TMEM268: variants seen among roughly 807,000 people sequenced by gnomAD.
TMEM268 encodes transmembrane protein 268, also known as transmembrane protein C9orf91.
In TMEM268, 24 loss-of-function variants were observed where a neutral mutation model predicts 39.1. That is an observed-to-expected ratio of 0.61 (90% CI 0.44 to 0.86). The LOEUF (loss-of-function observed/expected upper bound fraction) is 0.86, where lower values mean the gene tolerates loss of function less well. TMEM268 is among the 40% of genes least tolerant of loss of function. The pLI is 0.00. For missense variants in TMEM268, 409 were observed against 428.6 expected (o/e 0.95, Z 0.40); for synonymous variants, 176 against 173.5 (o/e 1.01, Z -0.12).
intron 5 of TMEM268, among the ~76,000 whole-genome samples, chr9:114,630,279 TATCCATCCATCC>T (rs57970569): frequency 1.3e-4 from 19 of 148,228 alleles, no homozygotes; most frequent in South Asian, 2.2e-4. Flanking sequence ...AATATATATC[TATCCATCCATCC>T]ATCCATCCAT....
intron 6 of TMEM268, among the ~76,000 whole-genome samples, chr9:114,636,565 A>G (rs2133698476): frequency 6.6e-6 from 1 of 151,628 alleles, no homozygotes; most frequent in South Asian, 2.1e-4. Context: ...CAGTGGTGTG[A>G]TCTTGGCTTA....
intron 7 of TMEM268, among the ~76,000 whole-genome samples, chr9:114,638,010 G>A (rs1490307362): frequency 6.6e-6 from 1 of 152,212 alleles, no homozygotes; most frequent in Non-Finnish European, 1.5e-5. Flanking sequence ...ATCCCAGGCT[G>A]CTTTGAGCAA....
At chr9:114,628,684 C>A (rs1478479826) in intron 5 of TMEM268, among the ~76,000 whole-genome samples, 1 of 152,078 alleles carries the variant, frequency 6.6e-6, no homozygotes, top group Non-Finnish European at 1.5e-5. Context: ...GGGCAGATGC[C>A]GACCTGGTGC....
intron 7 of TMEM268, among the ~76,000 whole-genome samples, chr9:114,638,188 C>T (rs1413917019): frequency 5.3e-5 from 8 of 152,024 alleles, no homozygotes; most frequent in African/African-American, 1.4e-4. Context: ...ACTACAGGTG[C>T]GTGCCACCAC....
At position 114,617,120 on chromosome 9, in the gene TMEM268, A is replaced by G. The variant is rs967882258; in HGVS notation, c.-76A>G. 13 of 951,494 alleles carry G rather than the reference A, an allele frequency of 1.4e-5. No homozygotes were observed. Among genetic ancestry groups the G allele is most frequent in the Admixed American group, 1.2e-4 (5 of 41,590 alleles). 58.9% of individuals were successfully genotyped at this position (951,494 alleles called of 1,614,324 possible). A position where few individuals can be genotyped will look rare whatever the true frequency, so the allele number is the denominator to read the frequency against. On this transcript the variant is annotated splice_region_variant and 5_prime_UTR_variant, in exon 2 of 9. Transcript: ENST00000288502. ...CTTTTTTGTGCTGTTTTCTGAAGGC[A>G]TATGATGCTGAGCTGGCTGCTCCAG...
Position 114,644,358 on chromosome 9 carries a change from A to G in TMEM268, c.*1045A>G, listed in dbSNP as rs1263392846. On this transcript the variant is annotated 3_prime_UTR_variant, in exon 9 of 9. Coordinates refer to ENST00000288502, the MANE Select transcript of TMEM268 (RefSeq NM_153045.4). ...ATTCCTTTCCATTTGTTGGACTCCT[A>G]TTCATGCTTCAAAGTCCAGCTTTCT... The G allele has an allele frequency of 2.0e-5, 3 of 152,354 alleles. No homozygotes were observed. The highest frequency in any genetic ancestry group is 7.2e-5 in the African/African-American group (3 of 41,430). 9.4% of individuals were successfully genotyped at this position (152,354 alleles called of 1,614,324 possible). A position where few individuals can be genotyped will look rare whatever the true frequency, so the allele number is the denominator to read the frequency against.
At chr9:114,635,203 C>T (rs951635337) in intron 6 of TMEM268, among the ~76,000 whole-genome samples, 8 of 151,726 alleles carry the variant, frequency 5.3e-5, no homozygotes, top group African/African-American at 1.9e-4. Context: ...ATTAGCAGGG[C>T]GTGGCAGTGT....
rs148113163 is a variant in TMEM268 at position 114,624,383 on chromosome 9, G to T, written c.140G>T (p.Arg47Leu). Reference sequence around the variant, plus strand: ...AATGGCCAGGTCCTCACTGTTCTCCGGATTGACAATACCTGTGCACCCATC... The same window carrying T: ...AATGGCCAGGTCCTCACTGTTCTCCTGATTGACAATACCTGTGCACCCATC... ...LHNGQVLTVL[R>L]IDNTCAPISF... The change falls in exon 3 of 9, where the codon CGG (arginine) becomes CTG (leucine). Residue 47 changes from arginine to leucine, a missense_variant. By Grantham distance (102) the Arg-to-Leu change is moderately radical. Coordinates refer to ENST00000288502, the MANE Select transcript of TMEM268 (RefSeq NM_153045.4). 1.9e-6 allele frequency: 3 copies of T among 1,603,988 alleles called. No homozygotes were observed. Among genetic ancestry groups the T allele is most frequent in the Non-Finnish European group, 2.6e-6 (3 of 1,174,804 alleles).
intron 5 of TMEM268, among the ~76,000 whole-genome samples, chr9:114,629,805 T>C (rs1263383297): frequency 6.6e-6 from 1 of 152,204 alleles, no homozygotes; most frequent in Admixed American, 6.5e-5. Context: ...TTCCACTTAG[T>C]GCGTGTGTTC....
At chr9:114,610,231 G>A (rs1169164216), upstream of TMEM268, among the ~76,000 whole-genome samples, 1 of 152,114 alleles carries the variant, frequency 6.6e-6, no homozygotes, top group Non-Finnish European at 1.5e-5. Flanking sequence ...TAGAGACGGG[G>A]TTTCCCCATG....
Position 114,624,468 on chromosome 9 carries a change from T to C in TMEM268, c.216+9T>C, listed in dbSNP as rs1420183700. The C allele has an allele frequency of 5.1e-6, 8 of 1,560,404 alleles. No homozygotes were observed. Among genetic ancestry groups the C allele is most frequent in the Non-Finnish European group, 7.0e-6 (8 of 1,150,892 alleles). ...AAACTTGGGGCATCCAGGTGAGTGC[T>C]GATTTCCTTGAATCCCTACCATTTT... On this transcript the variant is annotated intron_variant, in intron 3 of 8. Coordinates refer to ENST00000288502, the MANE Select transcript of TMEM268 (RefSeq NM_153045.4).
chr9:114,629,966 C>T (rs889714156), intron 5 of TMEM268, among the ~76,000 whole-genome samples: 11 of 152,194 alleles, frequency 7.2e-5, no homozygotes, highest in African/African-American at 2.7e-4. Context: ...GAGCTGGCTA[C>T]TCCTGCAGCA....
chr9:114,612,608 G>A (rs1478338235), intron 1 of TMEM268, among the ~76,000 whole-genome samples: 1 of 152,226 alleles, frequency 6.6e-6, no homozygotes, highest in African/African-American at 2.4e-5. Context: ...TGACCACACA[G>A]GCTGCCCTGA....
chr9:114,638,497 C>A, intron 7 of TMEM268, 47 bp from the exon 8 acceptor site: 2 of 1,426,980 alleles, frequency 1.4e-6, no homozygotes, highest in Admixed American at 2.5e-5. Context: ...CTCGCAGATA[C>A]CACCTGATTT....
chr9:114,637,570 A>G (rs1460228212), intron 7 of TMEM268, among the ~76,000 whole-genome samples: 1 of 152,162 alleles, frequency 6.6e-6, no homozygotes, highest in Admixed American at 6.5e-5. Flanking sequence ...CTGGGATTAC[A>G]GGTGTGAGCC....
chr9:114,644,594 G>C lies in TMEM268; in HGVS notation c.*1281G>C, dbSNP rs200219782. On this transcript the variant is annotated 3_prime_UTR_variant, in exon 9 of 9. Coordinates refer to ENST00000288502, the MANE Select transcript of TMEM268 (RefSeq NM_153045.4). ...TTGTGCATGACCTGGACCTGCTAAGGAAAAAAAAATCTTGTGGATTGATTG... is the reference window on the plus strand; with the variant it reads ...TTGTGCATGACCTGGACCTGCTAAGCAAAAAAAAATCTTGTGGATTGATTG... The C allele has an allele frequency of 2.0e-5, 3 of 151,084 alleles. No individual in the cohort carries two copies. Among genetic ancestry groups the C allele is most frequent in the Non-Finnish European group, 4.4e-5 (3 of 67,736 alleles). The allele number at this position is 151,084 out of a possible 1,614,324, so 9.4% of individuals were successfully genotyped here.
rs2133685810 is a variant in TMEM268 at position 114,633,773 on chromosome 9, C to T, written c.480C>T (p.Asn160=). ...LVFERHQKKA[N]TNTDLRLAAA... Reference sequence around the variant, plus strand: ...GCCTGGCGTTTGTCTTACAGGCCAACACCAACACGGACCTGAGGCTGGCAG... The same window carrying T: ...GCCTGGCGTTTGTCTTACAGGCCAATACCAACACGGACCTGAGGCTGGCAG... Residue 160 remains asparagine (N), a synonymous_variant, in exon 6 of 9, where the codon AAC becomes AAT. Coordinates refer to ENST00000288502, the MANE Select transcript of TMEM268 (RefSeq NM_153045.4). 1.3e-6 allele frequency: 2 copies of T among 1,585,248 alleles called. No individual in the cohort carries two copies. Among genetic ancestry groups the T allele is most frequent in the Non-Finnish European group, 8.6e-7 (1 of 1,165,604 alleles).
At chr9:114,642,226 C>G (rs962929973) in intron 8 of TMEM268, among the ~76,000 whole-genome samples, 1 of 152,270 alleles carries the variant, frequency 6.6e-6, no homozygotes, top group South Asian at 2.1e-4. Context: ...CTAGAAACCA[C>G]CATTTTACTT....
chr9:114,630,639 A>T (rs1210880348), intron 5 of TMEM268, among the ~76,000 whole-genome samples: 1 of 152,248 alleles, frequency 6.6e-6, no homozygotes, highest in Non-Finnish European at 1.5e-5. Context: ...TAATAATTGT[A>T]GCTCCCTCAT....
Sources: gnomAD v4.1 joint callset for allele counts (sites outside exome capture counted in the v4.1 genomes callset) on GRCh38, gnomAD v4.1.1 for gene constraint, MANE v1.5 for transcripts, NCBI Gene and HGNC (gene_info 2026-07-23, HGNC 2026-07-21) for gene names.